PLD1: variants seen among roughly 807,000 people sequenced by gnomAD.
PLD1 encodes the protein choline phosphatase 1.
In PLD1, 112 loss-of-function variants were observed where a neutral mutation model predicts 137.1. The ratio of observed to expected loss-of-function variants is 0.82; its 90% CI spans 0.70 to 0.96. The LOEUF (loss-of-function observed/expected upper bound fraction) is 0.96, where lower values mean the gene tolerates loss of function less well. PLD1 is among the 40% of genes least tolerant of loss of function. The pLI, the probability that PLD1 is intolerant of heterozygous loss-of-function variation, is 0.00. For missense variants in PLD1, 1,321 were observed against 1,342.0 expected, an observed-to-expected ratio of 0.98 and a Z score of 0.24; for synonymous variants, 431 against 454.7, an observed-to-expected ratio of 0.95 and a Z score of 0.66.
At position 171,709,606 on chromosome 3, in the gene PLD1, G is replaced by T; in HGVS notation, c.1015C>A (p.Arg339=). 1 of 1,613,844 alleles carries T rather than the reference G, an allele frequency of 6.2e-7. No individual in the cohort carries two copies. The part of the protein sequence containing the change: ...KHGTNFLKDH[R]FGSYAAIQEN... ...TGGATAGCAGCATATGACCCAAATC[G>T]ATGATCTTTGAGAAAGTTGGTGCCA... Residue 339 remains arginine (R), a synonymous_variant, in exon 10 of 27, where the codon CGA becomes AGA. Coordinates refer to ENST00000351298, the MANE Select transcript of PLD1 (RefSeq NM_002662.5).
intron 23 of PLD1, among the ~76,000 whole-genome samples, chr3:171,627,266 C>G (rs1344188880): frequency 6.6e-6 from 1 of 151,942 alleles, no homozygotes. Context: ...ACAAAGAAGG[C>G]CATTACATAA....
chr3:171,676,163 A>G (rs1713329121), intron 18 of PLD1, among the ~76,000 whole-genome samples: 1 of 152,138 alleles, frequency 6.6e-6, no homozygotes, highest in Non-Finnish European at 1.5e-5. Flanking sequence ...TACTTAACTT[A>G]TGAATGTTAG....
chr3:171,774,976 A>C (rs1722538726), intron 1 of PLD1, among the ~76,000 whole-genome samples: 1 of 152,228 alleles, frequency 6.6e-6, no homozygotes, highest in Non-Finnish European at 1.5e-5. Flanking sequence ...GGAGTCACTG[A>C]CACTGAAGGA....
intron 12 of PLD1, among the ~76,000 whole-genome samples, chr3:171,696,115 A>G (rs1401402969): frequency 6.6e-6 from 1 of 152,198 alleles, no homozygotes; most frequent in African/African-American, 2.4e-5. Flanking sequence ...CTTGTGATCC[A>G]GGACAGAAAA....
chr3:171,697,245 T>TG lies in PLD1; in HGVS notation c.1227+2499_1227+2500insC, dbSNP rs796142139. On this transcript the variant is annotated intron_variant, in intron 12 of 26. Transcript: ENST00000351298. ...AGTCACCTTCCGGACACCTTTTTTT[T>TG]TTTTTTTTTTTTTTTTTGAAACAGA... Among the ~76,000 whole-genome samples the TG allele has an allele frequency of 7.4e-4, 97 of 130,426 alleles. 1 individual carries two copies. The highest frequency in any genetic ancestry group is 3.6e-3 in the Middle Eastern group (1 of 276). 85.6% of individuals were successfully genotyped at this position (130,426 alleles called of 152,430 possible).
intron 1 of PLD1, among the ~76,000 whole-genome samples, chr3:171,759,697 C>T (rs1721266499): frequency 6.6e-6 from 1 of 152,214 alleles, no homozygotes; most frequent in Non-Finnish European, 1.5e-5. Flanking sequence ...TGTGTTTATA[C>T]ACATACCGTT....
intron 16 of PLD1, among the ~76,000 whole-genome samples, chr3:171,679,753 T>C (rs915262773): frequency 6.6e-6 from 1 of 152,232 alleles, no homozygotes; most frequent in Non-Finnish European, 1.5e-5. Flanking sequence ...TTTTTAGCCA[T>C]GGCCTAAAAA....
chr3:171,772,577 T>G (rs1408360035), intron 1 of PLD1, among the ~76,000 whole-genome samples: 1 of 152,106 alleles, frequency 6.6e-6, no homozygotes, highest in Non-Finnish European at 1.5e-5. Flanking sequence ...TAATTTCTTT[T>G]CTCAGGGAAA....
At chr3:171,644,087 T>C (rs1735996616) in intron 22 of PLD1, among the ~76,000 whole-genome samples, 1 of 152,214 alleles carries the variant, frequency 6.6e-6, no homozygotes, top group Non-Finnish European at 1.5e-5. Context: ...TAATCTGCTT[T>C]ACTTACCAAA....
intron 22 of PLD1, 23 bp from the exon 23 acceptor site, chr3:171,642,912 A>G (rs751883839): frequency 7.0e-7 from 1 of 1,420,672 alleles, no homozygotes; most frequent in South Asian, 1.2e-5. Flanking sequence ...AAAGGAGAAA[A>G]TAATTACAGA....
Position 171,645,845 on chromosome 3 carries a change from C to T in PLD1, c.2430-822G>A, listed in dbSNP as rs545549290. Among the ~76,000 whole-genome samples the T allele has an allele frequency of 5.7e-5, 8 of 139,196 alleles. No individual in the cohort carries two copies. In the East Asian group the frequency reaches 1.1e-3, roughly 18 times the overall value. The allele number at this position is 139,196 out of a possible 152,430, so 91.3% of individuals were successfully genotyped here. ...CTTGCAGTCAGCAGAGATCGCGCTA[C>T]TGCACTCCAGCCTGGGTGACAGAGC... is the stretch of plus-strand genomic sequence containing the variant. On this transcript the variant is annotated intron_variant, in intron 21 of 26. Transcript: ENST00000351298.
chr3:171,775,306 C>G (rs879466907), intron 1 of PLD1, among the ~76,000 whole-genome samples: 4 of 151,652 alleles, frequency 2.6e-5, no homozygotes, highest in Non-Finnish European at 5.9e-5. Flanking sequence ...GTTATTAGAC[C>G]TGCCACTAGA....
rs562379504 is a variant in PLD1 at position 171,665,520 on chromosome 3, C to T, written c.2230-3350G>A. Reference sequence around the variant, plus strand: ...TTCAAGACCAGCCTGGCCAACATGGCGAAACCCCGTCTCTATTAAAAATAC... The same window carrying T: ...TTCAAGACCAGCCTGGCCAACATGGTGAAACCCCGTCTCTATTAAAAATAC... On this transcript the variant is annotated intron_variant, in intron 19 of 26. Transcript: ENST00000351298. 3.9e-5 allele frequency among the ~76,000 whole-genome samples: 6 copies of T among 152,054 alleles called. No individual in the cohort carries two copies. In the South Asian group the frequency reaches 1.0e-3, roughly 26 times the overall value.
At chr3:171,654,539 C>T (rs1737038558) in intron 21 of PLD1, among the ~76,000 whole-genome samples, 1 of 152,150 alleles carries the variant, frequency 6.6e-6, no homozygotes, top group Non-Finnish European at 1.5e-5. Context: ...TTTCCATGTG[C>T]AAAGATCTGA....
chr3:171,734,696 G>C (rs1477792981), intron 5 of PLD1, among the ~76,000 whole-genome samples, 169 bp downstream of exon 5: 1 of 152,152 alleles, frequency 6.6e-6, no homozygotes, highest in East Asian at 1.9e-4. Flanking sequence ...TGTATGGCTT[G>C]GGGAAAGAAG....
chr3:171,631,992 G>A (rs1734708142), intron 23 of PLD1, among the ~76,000 whole-genome samples: 1 of 152,116 alleles, frequency 6.6e-6, no homozygotes, highest in East Asian at 1.9e-4. Context: ...CACCTAAAGT[G>A]TTTTCCTACA....
At chr3:171,625,179 A>G (rs1007510724) in intron 23 of PLD1, among the ~76,000 whole-genome samples, 2 of 152,230 alleles carry the variant, frequency 1.3e-5, no homozygotes, top group East Asian at 3.8e-4. Flanking sequence ...CAGGCTTAAA[A>G]AATGGCGCAC....
At chr3:171,785,759 G>C (rs980129275) in intron 1 of PLD1, among the ~76,000 whole-genome samples, 1 of 152,272 alleles carries the variant, frequency 6.6e-6, no homozygotes, top group East Asian at 1.9e-4. Flanking sequence ...TTTACACTTA[G>C]AGCACATTTC....
At chr3:171,797,073 G>T (rs908112159) in intron 1 of PLD1, among the ~76,000 whole-genome samples, 2 of 151,954 alleles carry the variant, frequency 1.3e-5, no homozygotes, top group Non-Finnish European at 2.9e-5. Context: ...GTTCATGGTT[G>T]TTCCTCCCCT....
Sources: gnomAD v4.1 joint callset for allele counts (sites outside exome capture counted in the v4.1 genomes callset) on GRCh38, gnomAD v4.1.1 for gene constraint, MANE v1.5 for transcripts, NCBI Gene and HGNC (gene_info 2026-07-23, HGNC 2026-07-21) for gene names.